Variants in TNIP1 observed in about 807,000 individuals in gnomAD.
The protein encoded by TNIP1 is TNFAIP3 interacting protein 1, also known as TNFAIP3-interacting protein 1.
TNIP1 carries 22 observed loss-of-function variants against 86.6 expected under a neutral mutation model. The ratio of observed to expected loss-of-function variants is 0.25; its 90% CI spans 0.18 to 0.36. The LOEUF (loss-of-function observed/expected upper bound fraction) is 0.36. Ranked by LOEUF, TNIP1 falls within the 10% of genes least tolerant of loss-of-function variation. The pLI is 1.00. For synonymous variants in TNIP1, 294 were observed against 313.0 expected (o/e 0.94, Z 0.64); for missense variants, 709 against 820.6 (o/e 0.86, Z 1.66).
chr5:151,037,124 G>A (rs1757808394), intron 12 of TNIP1: 2 of 553,882 alleles, frequency 3.6e-6, no homozygotes, highest in Non-Finnish European at 5.7e-6. Flanking sequence ...GTGCCATGAA[G>A]AAAAGACTAT....
chr5:151,068,129 C>G (rs3805430), intron 1 of TNIP1, among the ~76,000 whole-genome samples: 11,226 of 152,208 alleles, frequency 0.074, 832 homozygotes, highest in African/African-American at 0.2. Flanking sequence ...GCAGAGGAGA[C>G]GCAGGAGAAA....
At chr5:151,071,572 A>G (rs1431637545) in intron 1 of TNIP1, among the ~76,000 whole-genome samples, 1 of 152,046 alleles carries the variant, frequency 6.6e-6, no homozygotes, top group Non-Finnish European at 1.5e-5. Context: ...ATCCCTTCTA[A>G]GGCCCAGGTG....
At chr5:151,080,522 G>T (rs13356420) in intron 1 of TNIP1, among the ~76,000 whole-genome samples, 38,676 of 152,068 alleles carry the variant, frequency 0.25, 6,106 homozygotes, top group East Asian at 0.57. Flanking sequence ...TCCACAACTT[G>T]ATACGAAAAC....
intron 1 of TNIP1, among the ~76,000 whole-genome samples, chr5:151,072,248 G>C (rs1420794014): frequency 6.6e-6 from 1 of 152,194 alleles, no homozygotes; most frequent in Non-Finnish European, 1.5e-5. Flanking sequence ...CTACTTTCCA[G>C]TTCTCCAGAA....
chr5:151,077,415 A>T (rs1334200416), intron 1 of TNIP1, among the ~76,000 whole-genome samples: 6 of 152,204 alleles, frequency 3.9e-5, no homozygotes, highest in Admixed American at 1.3e-4. Flanking sequence ...TAGCCTCATG[A>T]TTAGCATCAT....
intron 16 of TNIP1, chr5:151,032,683 A>C (rs1013745758): frequency 5.4e-6 from 2 of 370,948 alleles, no homozygotes; most frequent in African/African-American, 4.3e-5. Context: ...TGTACCAAGA[A>C]GGGTCATATG....
At chr5:151,039,868 T>C (rs533995228) in intron 11 of TNIP1, among the ~76,000 whole-genome samples, 1 of 152,318 alleles carries the variant, frequency 6.6e-6, no homozygotes, top group East Asian at 1.9e-4. Flanking sequence ...TCACCACAGC[T>C]GAGGGAAGGC....
intron 14 of TNIP1, 114 bp from the exon 15 acceptor site, chr5:151,035,181 C>T (rs1335634789): frequency 8.0e-7 from 1 of 1,250,702 alleles, no homozygotes; most frequent in Non-Finnish European, 1.1e-6. Flanking sequence ...CCCTCTGGGC[C>T]ACCATGCGTG....
intron 9 of TNIP1, 70 bp from the exon 10 acceptor site, chr5:151,043,031 T>A: frequency 2.0e-6 from 3 of 1,520,394 alleles, no homozygotes; most frequent in East Asian, 2.3e-5. Context: ...TCCTGCCCCA[T>A]GTACACCAGC....
Position 151,039,250 on chromosome 5 carries a change from G to C in TNIP1, c.1135-25C>G, listed in dbSNP as rs111975994. 1,624 of 1,605,284 alleles carry C rather than the reference G, an allele frequency of 1.0e-3. 13 individuals are homozygous for C. The African/African-American group carries it at 0.019, about 19-fold the overall frequency. On this transcript the variant is annotated intron_variant, in intron 11 of 17. Transcript: ENST00000521591. ...TCTGCAGGGAATACAAGGTTGGTAA[G>C]CTGGCTAGGATGGCCTCTCCAGGAG...
At chr5:151,082,587 A>G (rs936701735), upstream of TNIP1, among the ~76,000 whole-genome samples, 4 of 152,082 alleles carry the variant, frequency 2.6e-5, no homozygotes, top group African/African-American at 9.7e-5. Flanking sequence ...CCCACTGAAA[A>G]CTAAAATCTA....
chr5:151,055,779 G>A (rs1054155474), intron 6 of TNIP1, among the ~76,000 whole-genome samples: 4 of 152,224 alleles, frequency 2.6e-5, no homozygotes, highest in Non-Finnish European at 5.9e-5. Flanking sequence ...GAATGGCCTG[G>A]GAGGAGAGTC....
At position 151,050,831 on chromosome 5, in the gene TNIP1, A is replaced by T. The variant is rs555232817; in HGVS notation, c.723-884T>A. Among the ~76,000 whole-genome samples, 7 of 151,972 alleles carry T rather than the reference A, an allele frequency of 4.6e-5. No individual in the cohort carries two copies. The South Asian group carries it at 1.2e-3, about 27-fold the overall frequency. ...ACAGGCACACCACCACACCCAGCTA[A>T]TTTTTTTGGTATTTTTTGTTGGGGC... On this transcript the variant is annotated intron_variant, in intron 7 of 17. Coordinates refer to ENST00000521591, the MANE Select transcript of TNIP1 (RefSeq NM_006058.5).
intron 2 of TNIP1, among the ~76,000 whole-genome samples, chr5:151,064,359 T>C (rs1409378005): frequency 6.6e-6 from 1 of 152,026 alleles, no homozygotes; most frequent in Non-Finnish European, 1.5e-5. Context: ...TTCAGGAGTG[T>C]GGAAGAAAGA....
chr5:151,073,423 A>T (rs939657504), intron 1 of TNIP1, among the ~76,000 whole-genome samples: 1 of 152,200 alleles, frequency 6.6e-6, no homozygotes, highest in Non-Finnish European at 1.5e-5. Context: ...TCAAGAAGGG[A>T]CTGGTTAAAC....
chr5:151,062,304 TCAGA>T, intron 3 of TNIP1, 92 bp from the exon 4 acceptor site: 1 of 1,166,506 alleles, frequency 8.6e-7, no homozygotes, highest in East Asian at 2.4e-5. Context: ...AAAAGGGTTC[TCAGA>T]CAGGATTCCC....
At chr5:151,055,853 G>C (rs1430143236) in intron 6 of TNIP1, among the ~76,000 whole-genome samples, 2 of 152,166 alleles carry the variant, frequency 1.3e-5, no homozygotes, top group Non-Finnish European at 2.9e-5. Flanking sequence ...CTCAGATCAC[G>C]AGCAGTCCCT....
In TNIP1 at chr5:151,042,919, T is replaced by C. The variant is rs773105023; in HGVS notation, c.979A>G (p.Met327Val). The change falls in exon 10 of 18, where the codon ATG becomes GTG. Residue 327 changes from methionine to valine, a missense_variant. Physicochemically the swap from Met to Val is conservative, Grantham distance 21. Coordinates refer to ENST00000521591, the MANE Select transcript of TNIP1 (RefSeq NM_006058.5). ...NKQWDQHFRS[M>V]KQQYEQKITE... Reference sequence around the variant, plus strand: ...ACCTTCTGCTCATACTGCTGCTTCATGGACCGGAAATGCTGGTCCCACTGC... The same window carrying C: ...ACCTTCTGCTCATACTGCTGCTTCACGGACCGGAAATGCTGGTCCCACTGC... The C allele has an allele frequency of 4.3e-6, 7 of 1,614,052 alleles. No individual in the cohort carries two copies. Among genetic ancestry groups the C allele is most frequent in the Non-Finnish European group, 5.1e-6 (6 of 1,180,048 alleles).
intron 8 of TNIP1, among the ~76,000 whole-genome samples, chr5:151,049,463 T>C (rs1414365320): frequency 1.3e-5 from 2 of 152,166 alleles, no homozygotes; most frequent in East Asian, 3.8e-4. Flanking sequence ...ATCAAAGATG[T>C]TAAACTGACT....
Sources: allele counts gnomAD v4.1 joint callset (sites outside exome capture counted in the v4.1 genomes callset), GRCh38; gene constraint gnomAD v4.1.1; transcripts MANE v1.5; gene names NCBI Gene and HGNC (gene_info 2026-07-23, HGNC 2026-07-21).